The following NEGR1 variants were observed in gnomAD, a reference collection of about 807,000 sequenced individuals.
NEGR1 encodes the protein neuronal growth regulator 1.
NEGR1 carries 10 observed loss-of-function variants against 40.9 expected under a neutral mutation model. That is an observed-to-expected ratio of 0.24 (90% CI 0.15 to 0.42). The LOEUF (loss-of-function observed/expected upper bound fraction) is 0.42. Among genes scored for constraint, NEGR1 ranks in the 10% least tolerant of loss-of-function variants. The pLI, the probability that NEGR1 is intolerant of heterozygous loss-of-function variation, is 1.00. For missense variants in NEGR1, 352 were observed against 438.9 expected (o/e 0.80, Z 1.77); for synonymous variants, 185 against 166.8 (o/e 1.11, Z -0.84).
intron 1 of NEGR1, among the ~76,000 whole-genome samples, chr1:72,247,048 G>T (rs545815279): frequency 2.1e-4 from 32 of 152,360 alleles, no homozygotes; most frequent in African/African-American, 7.7e-4. Flanking sequence ...GTAGGGAGCA[G>T]TGTCTCAAGG....
chr1:71,569,969 A>C (rs1345956136), intron 6 of NEGR1, among the ~76,000 whole-genome samples: 4 of 125,968 alleles, frequency 3.2e-5, no homozygotes, highest in African/African-American at 9.1e-5. Context: ...TGAATTACAC[A>C]AAACAAGGTT....
Position 71,549,051 on chromosome 1 carries a change from A to G in NEGR1, c.940+43766T>C, listed in dbSNP as rs149645667. On this transcript the variant is annotated intron_variant, in intron 6 of 6. Coordinates refer to ENST00000357731, the MANE Select transcript of NEGR1 (RefSeq NM_173808.3). ...TGTCTACAACTTTATCCTTCTGGAC[A>G]CCAGAGCTATAAATTAAATGTTTTC... Among the ~76,000 whole-genome samples the G allele has an allele frequency of 1.0e-3, 155 of 151,836 alleles. 1 individual carries two copies. Among genetic ancestry groups the G allele is most frequent in the Admixed American group, 2.8e-3 (42 of 15,244 alleles).
intron 1 of NEGR1, among the ~76,000 whole-genome samples, chr1:72,069,954 T>C (rs574183974): frequency 6.6e-6 from 1 of 152,260 alleles, no homozygotes; most frequent in East Asian, 1.9e-4. Context: ...TTTTTGATTC[T>C]ATCAAAATAA....
At chr1:72,122,516 T>C (rs924415705) in intron 1 of NEGR1, among the ~76,000 whole-genome samples, 26 of 152,040 alleles carry the variant, frequency 1.7e-4, no homozygotes, top group South Asian at 2.1e-4. Flanking sequence ...ATAGAAAATG[T>C]ATGTGATATA....
chr1:71,397,589 A>T lies in NEGR1; in HGVS notation c.*9857T>A, dbSNP rs1405797983. On this transcript the variant is annotated 3_prime_UTR_variant, in exon 7 of 7. Transcript: ENST00000357731. ...TGATCTGCCTGTCTCAGACTCCCAA[A>T]GTGCTGAGATTACAAGCATGAGCCA... The T allele has an allele frequency of 6.6e-6, 1 of 152,222 alleles. No individual in the cohort carries two copies. The allele number at this position is 152,222 out of a possible 1,614,324, so 9.4% of individuals were successfully genotyped here. A position where few individuals can be genotyped will look rare whatever the true frequency, so the allele number is the denominator to read the frequency against.
chr1:71,724,312 G>A (rs115623148), intron 3 of NEGR1, among the ~76,000 whole-genome samples: 3,725 of 152,124 alleles, frequency 0.024, 157 homozygotes, highest in African/African-American at 0.085. Context: ...AGTTCATTTA[G>A]GGTCTTTTAA....
intron 1 of NEGR1, chr1:72,275,217 A>G (rs1461317413): frequency 8.4e-6 from 5 of 594,102 alleles, no homozygotes; most frequent in Non-Finnish European, 1.5e-5. Context: ...AAAATATCAA[A>G]AAATTTCTAT....
At chr1:72,146,212 C>A (rs1650903320) in intron 1 of NEGR1, among the ~76,000 whole-genome samples, 1 of 152,244 alleles carries the variant, frequency 6.6e-6, no homozygotes. Flanking sequence ...TGAAATAATG[C>A]CACAAGTGTA....
intron 5 of NEGR1, among the ~76,000 whole-genome samples, chr1:71,597,412 T>TTATA (rs369364525): frequency 0.51 from 60,520 of 118,136 alleles, 17,484 homozygotes; most frequent in Middle Eastern, 0.64. Flanking sequence ...GGAGTTTTAT[T>TTATA]TATATATATA....
At chr1:71,679,201 G>A (rs1422396988) in intron 4 of NEGR1, among the ~76,000 whole-genome samples, 1 of 151,984 alleles carries the variant, frequency 6.6e-6, no homozygotes, top group Non-Finnish European at 1.5e-5. Context: ...TGCTTCTTTA[G>A]GAATGGATGG....
chr1:72,085,847 G>A (rs1648198727), intron 1 of NEGR1, among the ~76,000 whole-genome samples: 1 of 151,508 alleles, frequency 6.6e-6, no homozygotes, highest in South Asian at 2.1e-4. Flanking sequence ...GTGTGCACCT[G>A]TAGACCCAGC....
chr1:71,618,047 C>T (rs1280193820), intron 4 of NEGR1, among the ~76,000 whole-genome samples: 1 of 152,162 alleles, frequency 6.6e-6, no homozygotes, highest in Non-Finnish European at 1.5e-5. Flanking sequence ...GATAAAGTGG[C>T]TGCATTCAAA....
At chr1:72,172,863 G>A (rs1029362239) in intron 1 of NEGR1, among the ~76,000 whole-genome samples, 3 of 152,002 alleles carry the variant, frequency 2.0e-5, no homozygotes, top group African/African-American at 7.2e-5. Context: ...GTTGAACCAC[G>A]TCTTTCCATA....
At chr1:71,975,594 G>A (rs1214879630) in intron 1 of NEGR1, among the ~76,000 whole-genome samples, 1 of 152,088 alleles carries the variant, frequency 6.6e-6, no homozygotes, top group Non-Finnish European at 1.5e-5. Flanking sequence ...ATCAACACAG[G>A]CATGAACCAA....
At chr1:71,756,890 CAAAA>C (rs1655762491) in intron 3 of NEGR1, among the ~76,000 whole-genome samples, 1 of 151,116 alleles carries the variant, frequency 6.6e-6, no homozygotes, top group Non-Finnish European at 1.5e-5. Flanking sequence ...AAAAAACCCT[CAAAA>C]ACAAAATTGT....
chr1:72,280,065 A>C (rs561793683), intron 1 of NEGR1, among the ~76,000 whole-genome samples: 1 of 152,298 alleles, frequency 6.6e-6, no homozygotes, highest in Non-Finnish European at 1.5e-5. Flanking sequence ...TCTCTTTAAG[A>C]AGTTTGAAAG....
chr1:71,782,014 T>G (rs1656735143), intron 2 of NEGR1, among the ~76,000 whole-genome samples: 1 of 152,138 alleles, frequency 6.6e-6, no homozygotes, highest in African/African-American at 2.4e-5. Flanking sequence ...CTTAAAAAAT[T>G]GTATCACTGA....
chr1:71,723,024 G>C (rs1180856901), intron 3 of NEGR1, among the ~76,000 whole-genome samples: 1 of 123,838 alleles, frequency 8.1e-6, no homozygotes, highest in Non-Finnish European at 1.7e-5. Context: ...TTCCTAGAAA[G>C]TTTCTGAAAA....
chr1:71,986,429 C>G (rs1431479033), intron 1 of NEGR1, among the ~76,000 whole-genome samples: 1 of 152,192 alleles, frequency 6.6e-6, no homozygotes. Context: ...CATGTCTGGT[C>G]TGGTCCTACA....
Sources: gnomAD v4.1 joint callset for allele counts (sites outside exome capture counted in the v4.1 genomes callset) on GRCh38, gnomAD v4.1.1 for gene constraint, MANE v1.5 for transcripts, NCBI Gene and HGNC (gene_info 2026-07-23, HGNC 2026-07-21) for gene names.